NRG1: variants seen among roughly 807,000 people sequenced by gnomAD.
NRG1 encodes pro-neuregulin-1, membrane-bound isoform.
A neutral mutation model predicts 63.8 loss-of-function variants in NRG1; 18 were observed. That is an observed-to-expected ratio of 0.28 (90% confidence interval 0.19 to 0.42). NRG1 has a LOEUF of 0.42. Among genes scored for constraint, NRG1 ranks in the 10% least tolerant of loss-of-function variants. NRG1 has a pLI of 1.00. For missense variants in NRG1, 762 were observed against 814.7 expected (o/e 0.94, Z 0.79); for synonymous variants, 302 against 301.3 (o/e 1.00, Z -0.02).
chr8:31,904,472 A>G (rs1832355896), intron 1 of NRG1, among the ~76,000 whole-genome samples: 1 of 152,210 alleles, frequency 6.6e-6, no homozygotes, highest in Non-Finnish European at 1.5e-5. Flanking sequence ...GCTACTGTGG[A>G]AAGCAGTTAG....
chr8:32,339,770 A>G (rs1000322903), intron 1 of NRG1, among the ~76,000 whole-genome samples: 2 of 152,180 alleles, frequency 1.3e-5, no homozygotes, highest in African/African-American at 4.8e-5. Context: ...AACCCAGTCA[A>G]CTTTCTCCAG....
intron 1 of NRG1, among the ~76,000 whole-genome samples, chr8:32,261,399 G>A (rs1850357616): frequency 6.6e-6 from 1 of 151,688 alleles, no homozygotes; most frequent in Non-Finnish European, 1.5e-5. Flanking sequence ...GCTGGTGTGT[G>A]TATATCTTTA....
At chr8:32,562,252 C>A (rs1007677201) in intron 1 of NRG1, among the ~76,000 whole-genome samples, 2 of 151,994 alleles carry the variant, frequency 1.3e-5, no homozygotes, top group Non-Finnish European at 2.9e-5. Context: ...CCCAGCCAGT[C>A]ATGGATTTTA....
At chr8:31,897,828 A>G (rs1420617745) in intron 1 of NRG1, among the ~76,000 whole-genome samples, 1 of 150,738 alleles carries the variant, frequency 6.6e-6, no homozygotes, top group Non-Finnish European at 1.5e-5. Context: ...AAGCCTGGCC[A>G]ACATGTTGAA....
chr8:32,772,527 ATAT>A (rs1420831176), downstream of NRG1, among the ~76,000 whole-genome samples: 2 of 152,170 alleles, frequency 1.3e-5, no homozygotes, highest in African/African-American at 4.8e-5. Flanking sequence ...TAAAGAAATA[ATAT>A]TATAGATGTA....
chr8:31,682,218 T>C (rs2131068646), intron 1 of NRG1, among the ~76,000 whole-genome samples: 1 of 152,246 alleles, frequency 6.6e-6, no homozygotes, highest in South Asian at 2.1e-4. Context: ...GGTAAACTTG[T>C]CATATTGGCT....
At chr8:31,743,408 A>G (rs1815502022) in intron 1 of NRG1, among the ~76,000 whole-genome samples, 1 of 152,018 alleles carries the variant, frequency 6.6e-6, no homozygotes, top group South Asian at 2.1e-4. Flanking sequence ...GATAAGAACT[A>G]TATAATAGTT....
chr8:32,071,941 G>A (rs781182998), intron 1 of NRG1, among the ~76,000 whole-genome samples: 4 of 152,164 alleles, frequency 2.6e-5, no homozygotes, highest in African/African-American at 9.7e-5. Flanking sequence ...GTTAGTAGAC[G>A]AAGTGTATGA....
chr8:32,745,675 G>GGTGTGCGTGT (rs1554661333), intron 7 of NRG1, among the ~76,000 whole-genome samples: 1 of 151,182 alleles, frequency 6.6e-6, no homozygotes, highest in African/African-American at 2.4e-5. Context: ...GTGTGTGGGG[G>GGTGTGCGTGT]GTGTGTGTGT....
intron 1 of NRG1, among the ~76,000 whole-genome samples, chr8:32,243,865 CA>C (rs1848364771): frequency 6.6e-6 from 1 of 152,162 alleles, no homozygotes; most frequent in African/African-American, 2.4e-5. Flanking sequence ...GAAAATGCAA[CA>C]GGGAATGGCC....
chr8:31,986,485 G>T (rs527372904), intron 1 of NRG1, among the ~76,000 whole-genome samples: 4 of 152,026 alleles, frequency 2.6e-5, no homozygotes. Flanking sequence ...GGTAGAATTG[G>T]CATTTGACAC....
chr8:31,808,256 T>C (rs1240032578), intron 1 of NRG1, among the ~76,000 whole-genome samples: 1 of 152,028 alleles, frequency 6.6e-6, no homozygotes, highest in Non-Finnish European at 1.5e-5. Flanking sequence ...TTTCTTTGTG[T>C]AAGCTGATGT....
intron 1 of NRG1, among the ~76,000 whole-genome samples, chr8:32,057,734 T>C (rs151077402): frequency 1.3e-5 from 2 of 152,266 alleles, no homozygotes; most frequent in African/African-American, 4.8e-5. Context: ...TAAGTACTTA[T>C]TGGGTTCTAA....
At chr8:32,110,310 A>G (rs1340458990) in intron 1 of NRG1, among the ~76,000 whole-genome samples, 1 of 152,160 alleles carries the variant, frequency 6.6e-6, no homozygotes, top group Admixed American at 6.5e-5. Context: ...ATGTCAGAGA[A>G]GAAAGAGCTA....
intron 4 of NRG1, 70 bp downstream of exon 4, chr8:32,614,634 C>A: frequency 7.1e-7 from 1 of 1,398,950 alleles, no homozygotes; most frequent in Non-Finnish European, 1.0e-6. Flanking sequence ...GCTCCTTCTA[C>A]TAATCAGAAC....
chr8:32,005,041 A>C (rs745421947), intron 1 of NRG1, among the ~76,000 whole-genome samples: 24 of 151,816 alleles, frequency 1.6e-4, no homozygotes, highest in Non-Finnish European at 3.2e-4. Context: ...GGAAAAAAAG[A>C]AAGGAAGAAA....
At chr8:32,639,520 A>G (rs1309181879) in intron 5 of NRG1, among the ~76,000 whole-genome samples, 1 of 152,222 alleles carries the variant, frequency 6.6e-6, no homozygotes, top group South Asian at 2.1e-4. Context: ...TTGTGCAAGT[A>G]TATTTTATAC....
In NRG1 at chr8:31,640,216, C is replaced by A. The variant is rs890682145; in HGVS notation, c.37+785C>A. ...GGGATCGGTGCAGGAGCTAGCTCAGCGCGCCGCGGTGGTGATCGAGGGAAA... is the reference window on the plus strand; with the variant it reads ...GGGATCGGTGCAGGAGCTAGCTCAGAGCGCCGCGGTGGTGATCGAGGGAAA... On this transcript the variant is annotated intron_variant, in intron 1 of 10. Coordinates refer to the NRG1 transcript ENST00000519301. The surrounding 1 kb of genome is among the most constrained non-coding windows in gnomAD (Gnocchi z 6.3). The A allele has an allele frequency of 1.0e-5, 12 of 1,165,444 alleles. No individual in the cohort carries two copies. Among genetic ancestry groups the A allele is most frequent in the Non-Finnish European group, 1.1e-5 (10 of 944,458 alleles). The allele number at this position is 1,165,444 out of a possible 1,614,324, so 72.2% of individuals were successfully genotyped here.
At chr8:32,681,513 G>T (rs1197810352) in intron 5 of NRG1, among the ~76,000 whole-genome samples, 2 of 152,086 alleles carry the variant, frequency 1.3e-5, no homozygotes, top group Non-Finnish European at 2.9e-5. Flanking sequence ...AGATAGCAAA[G>T]TGTTGTCAAT....
Sources: gnomAD v4.1 joint callset for allele counts (sites outside exome capture counted in the v4.1 genomes callset) on GRCh38, gnomAD v4.1.1 for gene constraint, Gnocchi (gnomAD v3.1) non-coding constraint, MANE v1.5 for transcripts, NCBI Gene and HGNC (gene_info 2026-07-23, HGNC 2026-07-21) for gene names.